Variants in KIFC3 observed in about 807,000 individuals in gnomAD.
KIFC3 encodes the protein kinesin family member C3.
KIFC3 carries 60 observed loss-of-function variants against 101.8 expected under a neutral mutation model. The ratio of observed to expected loss-of-function variants is 0.59; its 90% CI spans 0.48 to 0.73. KIFC3 has a LOEUF of 0.73. Among genes scored for constraint, KIFC3 ranks in the 30% least tolerant of loss-of-function variants. The pLI, the probability that KIFC3 is intolerant of heterozygous loss-of-function variation, is 0.00. For synonymous variants in KIFC3, 476 were observed against 482.7 expected (o/e 0.99, Z 0.18); for missense variants, 966 against 1,137.1 (o/e 0.85, Z 2.16).
intron 1 of KIFC3, among the ~76,000 whole-genome samples, chr16:57,834,500 T>A (rs1267445835): frequency 1.3e-5 from 2 of 151,990 alleles, no homozygotes; most frequent in Non-Finnish European, 2.9e-5. Flanking sequence ...ACCTTTAAAT[T>A]TTTATTTATT....
chr16:57,811,387 AAAGGAAG>A (rs1381064316), intron 1 of KIFC3, among the ~76,000 whole-genome samples: 1 of 152,120 alleles, frequency 6.6e-6, no homozygotes, highest in Non-Finnish European at 1.5e-5. Flanking sequence ...TTTAAGAGAG[AAAGGAAG>A]AAGGAAGGAG....
chr16:57,786,222 G>GAACTAT (rs2053308557), intron 3 of KIFC3, among the ~76,000 whole-genome samples: 1 of 152,150 alleles, frequency 6.6e-6, no homozygotes. Flanking sequence ...CATGGAGCAA[G>GAACTAT]AACTCAGCCA....
At chr16:57,830,187 T>C (rs2911346) in intron 1 of KIFC3, among the ~76,000 whole-genome samples, 51,740 of 151,388 alleles carry the variant, frequency 0.34, 10,028 homozygotes, top group Non-Finnish European at 0.44. Context: ...CTGTGTGACC[T>C]TGAAAAAGTG....
Position 57,759,844 on chromosome 16 carries a change from C to G in KIFC3, c.2368-8G>C. 1 of 1,600,844 alleles carries G rather than the reference C, an allele frequency of 6.2e-7. No homozygotes were observed. Among genetic ancestry groups the G allele is most frequent in the Non-Finnish European group, 8.5e-7 (1 of 1,174,228 alleles). ...CTGACAAGCCGGCTCCCACTGTGAG[C>G]AGGGAAGGGCGGATGGGCGGGGGCC... On this transcript the variant is annotated splice_region_variant and splice_polypyrimidine_tract_variant and intron_variant, in intron 17 of 19. Coordinates refer to ENST00000445690, the MANE Select transcript of KIFC3 (RefSeq NM_001130100.2).
At chr16:57,768,509 T>TCACACACACA (rs61591593) in intron 9 of KIFC3, among the ~76,000 whole-genome samples, 5,385 of 139,094 alleles carry the variant, frequency 0.039, 337 homozygotes, top group African/African-American at 0.13. Flanking sequence ...CCATATATTC[T>TCACACACACA]CACACACACA....
chr16:57,800,590 A>G (rs2054654430), intron 1 of KIFC3, among the ~76,000 whole-genome samples: 1 of 152,210 alleles, frequency 6.6e-6, no homozygotes. Context: ...GAAGACTTTC[A>G]GGGAGATCAG....
At chr16:57,800,545 G>A (rs1018088648) in intron 1 of KIFC3, among the ~76,000 whole-genome samples, 1 of 152,196 alleles carries the variant, frequency 6.6e-6, no homozygotes, top group African/African-American at 2.4e-5. Flanking sequence ...GTGAGACAGT[G>A]CAGGGCATTG....
intron 1 of KIFC3, among the ~76,000 whole-genome samples, chr16:57,837,304 C>T (rs2055706208): frequency 6.6e-6 from 1 of 151,796 alleles, no homozygotes; most frequent in Non-Finnish European, 1.5e-5. Flanking sequence ...CCCGTCTCTA[C>T]TAAAAACACA....
chr16:57,853,390 G>A (rs1217719060), intron 1 of KIFC3, among the ~76,000 whole-genome samples: 1 of 151,642 alleles, frequency 6.6e-6, no homozygotes, highest in Non-Finnish European at 1.5e-5. Context: ...CTGCACTCCA[G>A]CCTGGGTGAC....
Position 57,777,219 on chromosome 16 carries a change from C to T in KIFC3, c.316-4931G>A, listed in dbSNP as rs1277658775. 3.3e-5 allele frequency: 5 copies of T among 152,200 alleles called. No homozygotes were observed. In the East Asian group the frequency reaches 7.7e-4, roughly 23 times the overall value. The allele number at this position is 152,200 out of a possible 1,614,324, so 9.4% of individuals were successfully genotyped here. A position where few individuals can be genotyped will look rare whatever the true frequency, so the allele number is the denominator to read the frequency against. On this transcript the variant is annotated intron_variant, in intron 3 of 19. Coordinates refer to ENST00000445690, the MANE Select transcript of KIFC3 (RefSeq NM_001130100.2). ...AAGATGACACCAATAAATGGAAAGA[C>T]ATTCCATGTTCATGGATTAGAAGAT...
intron 3 of KIFC3, chr16:57,775,527 G>C: frequency 1.0e-6 from 1 of 986,948 alleles, no homozygotes; most frequent in South Asian, 4.7e-5. Flanking sequence ...GAGAGAAACG[G>C]AGGCACCTGG....
Position 57,802,143 on chromosome 16 carries a change from G to A in KIFC3, c.-40+227C>T, listed in dbSNP as rs1435553068. Reference sequence around the variant, plus strand: ...AGGCTGCTCGGATCCCGTGGGACACGCCGCCCCTGTGCCCAGCTCCCAGCA... The same window carrying A: ...AGGCTGCTCGGATCCCGTGGGACACACCGCCCCTGTGCCCAGCTCCCAGCA... On this transcript the variant is annotated intron_variant, in intron 1 of 19. Transcript: ENST00000445690. The surrounding 1 kb of genome is among the most constrained non-coding windows in gnomAD (Gnocchi z 5.0). 1.3e-5 allele frequency among the ~76,000 whole-genome samples: 2 copies of A among 152,228 alleles called. No individual in the cohort carries two copies. Among genetic ancestry groups the A allele is most frequent in the Non-Finnish European group, 2.9e-5 (2 of 68,026 alleles).
At chr16:57,806,885 C>T (rs782054919), upstream of KIFC3, among the ~76,000 whole-genome samples, 11 of 152,184 alleles carry the variant, frequency 7.2e-5, no homozygotes, top group Non-Finnish European at 8.8e-5. Flanking sequence ...TCCAATCTTC[C>T]AATCCCTCTG....
At chr16:57,767,246 C>T (rs1305609514) in intron 9 of KIFC3, among the ~76,000 whole-genome samples, 6 of 152,210 alleles carry the variant, frequency 3.9e-5, no homozygotes, top group African/African-American at 9.6e-5. Context: ...AGGACTCAGC[C>T]CTCCACACCA....
intron 3 of KIFC3, among the ~76,000 whole-genome samples, chr16:57,780,556 TAC>T (rs1184524218): frequency 7.5e-6 from 1 of 133,570 alleles, no homozygotes; most frequent in East Asian, 2.1e-4. Context: ...AATTTTATGT[TAC>T]GTCTATTTTT....
chr16:57,804,665 C>T (rs1325872768), upstream of KIFC3, among the ~76,000 whole-genome samples: 2 of 152,184 alleles, frequency 1.3e-5, no homozygotes, highest in African/African-American at 2.4e-5. Context: ...TCATAGCTCA[C>T]TATAGCCCCG....
At chr16:57,786,335 C>T (rs2053319764) in intron 3 of KIFC3, among the ~76,000 whole-genome samples, 1 of 152,224 alleles carries the variant, frequency 6.6e-6, no homozygotes, top group Admixed American at 6.5e-5. Flanking sequence ...CTCCAAAGGC[C>T]TCCCACTGTC....
At chr16:57,770,739 G>A (rs368800651) in intron 6 of KIFC3, 39 bp from the exon 7 acceptor site, 2 of 1,389,550 alleles carry the variant, frequency 1.4e-6, no homozygotes, top group African/African-American at 2.9e-5. Flanking sequence ...GAGCCAGCGG[G>A]CACCGTACCT....
intron 1 of KIFC3, among the ~76,000 whole-genome samples, chr16:57,824,027 G>A (rs543964886): frequency 8.5e-5 from 13 of 152,356 alleles, no homozygotes; most frequent in African/African-American, 3.1e-4. Flanking sequence ...TCCTGCCCTT[G>A]CAGAGTCCTG....
Sources: gnomAD v4.1 joint callset for allele counts (sites outside exome capture counted in the v4.1 genomes callset) on GRCh38, gnomAD v4.1.1 for gene constraint, Gnocchi (gnomAD v3.1) non-coding constraint, MANE v1.5 for transcripts, NCBI Gene and HGNC (gene_info 2026-07-23, HGNC 2026-07-21) for gene names.